The following EXOC6 variants were observed in gnomAD, a reference collection of about 807,000 sequenced individuals.
EXOC6 encodes exocyst complex component 6.
A neutral mutation model predicts 112.5 loss-of-function variants in EXOC6; 60 were observed. The ratio of observed to expected loss-of-function variants is 0.53; its 90% CI spans 0.43 to 0.66. The LOEUF is 0.66. EXOC6 is among the 30% of genes least tolerant of loss of function. The pLI is 0.00. For synonymous variants in EXOC6, 295 were observed against 308.0 expected (o/e 0.96, Z 0.44); for missense variants, 855 against 957.1 (o/e 0.89, Z 1.41).
chr10:92,834,759 T>G, exon 1 of EXOC6: 2 of 1,610,916 alleles, frequency 1.2e-6, no homozygotes, highest in Non-Finnish European at 1.7e-6. Context: ...AAGAAACAGA[T>G]CAAACCTATG....
Position 93,002,564 on chromosome 10 carries a change from A to C in EXOC6, c.2095+4949A>C, listed in dbSNP as rs569049452. Among the ~76,000 whole-genome samples the C allele has an allele frequency of 1.3e-5, 2 of 152,176 alleles. 1 individual carries two copies. The highest frequency in any genetic ancestry group is 4.8e-5 in the African/African-American group (2 of 41,448). ...ACCCTCCAGTTGATTCTGTTGCATG[A>C]TAAAGTTTGAGAACCGCTGTATTAC... On this transcript the variant is annotated intron_variant, in intron 19 of 21. Transcript: ENST00000260762.
intron 1 of EXOC6, among the ~76,000 whole-genome samples, chr10:92,882,819 T>G (rs1849032324): frequency 6.6e-6 from 1 of 152,150 alleles, no homozygotes; most frequent in Non-Finnish European, 1.5e-5. Flanking sequence ...GGGTTATAAA[T>G]TGATATTGCA....
chr10:92,953,270 G>A (rs530087586), intron 15 of EXOC6, among the ~76,000 whole-genome samples: 29 of 152,172 alleles, frequency 1.9e-4, no homozygotes, highest in Admixed American at 5.2e-4. Flanking sequence ...GTGGAGATGA[G>A]GTTGTGCCAT....
intron 20 of EXOC6, among the ~76,000 whole-genome samples, chr10:93,033,377 G>A (rs561865893): frequency 6.6e-6 from 1 of 152,280 alleles, no homozygotes; most frequent in Non-Finnish European, 1.5e-5. Context: ...CAGTATTACA[G>A]ATAGTTGAAT....
intron 18 of EXOC6, among the ~76,000 whole-genome samples, chr10:92,979,880 G>A (rs1842766075): frequency 7.7e-6 from 1 of 129,758 alleles, no homozygotes. Context: ...CTGGGCAACA[G>A]AGGGAGACAC....
intron 8 of EXOC6, among the ~76,000 whole-genome samples, chr10:92,922,539 A>G (rs1042212469): frequency 2.6e-5 from 4 of 152,200 alleles, no homozygotes; most frequent in African/African-American, 7.2e-5. Flanking sequence ...AGTCTACTTT[A>G]GCCAAAAAAG....
chr10:92,991,424 A>G (rs1387197197), intron 18 of EXOC6, among the ~76,000 whole-genome samples: 1 of 145,582 alleles, frequency 6.9e-6, no homozygotes, highest in Non-Finnish European at 1.5e-5. Context: ...TGACAGAGTG[A>G]GACTCCATCT....
At position 93,025,995 on chromosome 10, in the gene EXOC6, A is replaced by C. The variant is rs560753458; in HGVS notation, c.2169+11728A>C. ...GTTTTAACTTTGTATACACCAAATC[A>C]TGCAGGATAACTTTTGGTTCTGCTT... On this transcript the variant is annotated intron_variant, in intron 20 of 21. Coordinates refer to ENST00000260762, the MANE Select transcript of EXOC6 (RefSeq NM_019053.6). Among the ~76,000 whole-genome samples the C allele has an allele frequency of 1.4e-3, 219 of 152,340 alleles. 1 individual carries two copies. Among genetic ancestry groups the C allele is most frequent in the Non-Finnish European group, 1.7e-3 (117 of 68,024 alleles).
At chr10:92,838,170 C>T (rs926460689) in intron 1 of EXOC6, among the ~76,000 whole-genome samples, 2 of 152,194 alleles carry the variant, frequency 1.3e-5, no homozygotes, top group African/African-American at 4.8e-5. Context: ...AGCATTCAAA[C>T]CTTCCCGCAT....
chr10:92,831,069 A>G (rs901571059), upstream of EXOC6, among the ~76,000 whole-genome samples: 1 of 152,234 alleles, frequency 6.6e-6, no homozygotes. Context: ...GCACTCAAGG[A>G]AAGTTTTGAA....
At chr10:92,996,833 C>T (rs1330507324) in intron 18 of EXOC6, among the ~76,000 whole-genome samples, 1 of 151,978 alleles carries the variant, frequency 6.6e-6, no homozygotes, top group African/African-American at 2.4e-5. Flanking sequence ...TCCAACCTAC[C>T]AGATGATTTA....
chr10:92,910,581 A>G (rs191566156), intron 6 of EXOC6, among the ~76,000 whole-genome samples: 1 of 152,222 alleles, frequency 6.6e-6, no homozygotes, highest in Non-Finnish European at 1.5e-5. Flanking sequence ...TTCAATGTAT[A>G]TACATCTTAC....
intron 7 of EXOC6, among the ~76,000 whole-genome samples, chr10:92,916,792 G>A (rs998708954): frequency 4.6e-5 from 7 of 152,018 alleles, no homozygotes; most frequent in Non-Finnish European, 8.8e-5. Context: ...AAATTTTTCT[G>A]TATATATTTT....
intron 19 of EXOC6, among the ~76,000 whole-genome samples, chr10:93,013,709 T>C (rs985498009): frequency 2.0e-5 from 3 of 152,270 alleles, no homozygotes; most frequent in African/African-American, 7.2e-5. Context: ...ATTGTCTGCA[T>C]GTAAAGTTGA....
chr10:92,945,740 A>G (rs982502386), intron 13 of EXOC6, among the ~76,000 whole-genome samples: 1 of 152,102 alleles, frequency 6.6e-6, no homozygotes, highest in Non-Finnish European at 1.5e-5. Flanking sequence ...TAAAACAGAG[A>G]CAGCATTTCG....
intron 13 of EXOC6, 68 bp downstream of exon 13, chr10:92,940,892 A>G (rs953857459): frequency 9.4e-6 from 9 of 959,470 alleles, no homozygotes; most frequent in Admixed American, 4.6e-5. Context: ...GTTCATTTGC[A>G]TATATTAATA....
At chr10:92,836,167 C>T (rs1846651585) in intron 1 of EXOC6, among the ~76,000 whole-genome samples, 1 of 152,214 alleles carries the variant, frequency 6.6e-6, no homozygotes, top group African/African-American at 2.4e-5. Flanking sequence ...ATTGCTGCTT[C>T]AGAGCCCTTG....
intron 17 of EXOC6, among the ~76,000 whole-genome samples, chr10:92,958,333 G>A (rs1468139234): frequency 6.6e-6 from 1 of 152,174 alleles, no homozygotes; most frequent in Non-Finnish European, 1.5e-5. Flanking sequence ...AAATAGTCCA[G>A]TTCTTTCTCT....
intron 1 of EXOC6, among the ~76,000 whole-genome samples, chr10:92,887,147 A>G (rs1366811600): frequency 2.6e-5 from 4 of 152,094 alleles, no homozygotes; most frequent in Non-Finnish European, 5.9e-5. Context: ...ATCAAGAGAG[A>G]AGGTCCATAA....
Sources: gnomAD v4.1 joint callset for allele counts (sites outside exome capture counted in the v4.1 genomes callset) on GRCh38, gnomAD v4.1.1 for gene constraint, MANE v1.5 for transcripts, NCBI Gene and HGNC (gene_info 2026-07-23, HGNC 2026-07-21) for gene names.